The following PCDH9 variants were observed in gnomAD, a reference collection of about 807,000 sequenced individuals.
The protein encoded by PCDH9 is protocadherin 9, also known as protocadherin-9.
A neutral mutation model predicts 70.6 loss-of-function variants in PCDH9; 24 were observed. That is an observed-to-expected ratio of 0.34 (90% CI 0.25 to 0.48). The LOEUF (loss-of-function observed/expected upper bound fraction) is 0.48, where lower values mean the gene tolerates loss of function less well. Ranked by LOEUF, PCDH9 falls within the 20% of genes least tolerant of loss-of-function variation. PCDH9 has a pLI of 0.99. For synonymous variants in PCDH9, 562 were observed against 558.5 expected, an observed-to-expected ratio of 1.01 and a Z score of -0.09; for missense variants, 1,281 against 1,503.6, an observed-to-expected ratio of 0.85 and a Z score of 2.45.
chr13:67,068,752 G>A (rs908737703), intron 2 of PCDH9, among the ~76,000 whole-genome samples: 3 of 152,040 alleles, frequency 2.0e-5, no homozygotes, highest in African/African-American at 2.4e-5. Context: ...TCAAACATTT[G>A]CCAAAGTGAC....
At chr13:66,338,452 G>A (rs1466876631) in intron 4 of PCDH9, among the ~76,000 whole-genome samples, 3 of 151,966 alleles carry the variant, frequency 2.0e-5, no homozygotes. Flanking sequence ...CAGCATCAAA[G>A]TTATATTCTG....
At chr13:67,095,910 C>T (rs2086309915) in intron 2 of PCDH9, among the ~76,000 whole-genome samples, 2 of 152,058 alleles carry the variant, frequency 1.3e-5, no homozygotes, top group South Asian at 4.1e-4. Flanking sequence ...AATGCCTTTG[C>T]TAAAAGGCCA....
chr13:66,505,193 T>G (rs1255930654), intron 4 of PCDH9, among the ~76,000 whole-genome samples: 1 of 152,208 alleles, frequency 6.6e-6, no homozygotes, highest in African/African-American at 2.4e-5. Context: ...TTTTTAAAAA[T>G]ATTTTAAGAG....
At chr13:66,683,742 C>G (rs2069384038) in intron 3 of PCDH9, among the ~76,000 whole-genome samples, 2 of 152,134 alleles carry the variant, frequency 1.3e-5, no homozygotes, top group Admixed American at 1.3e-4. Context: ...ACAGAGCCAG[C>G]CAGCTTAATC....
chr13:66,637,913 C>A (rs75996899), intron 3 of PCDH9, among the ~76,000 whole-genome samples: 3 of 137,390 alleles, frequency 2.2e-5, no homozygotes, highest in Admixed American at 7.3e-5. Context: ...GACTCCTTCT[C>A]AAAAAAAAAA....
At chr13:66,648,785 A>G (rs1300399905) in intron 3 of PCDH9, among the ~76,000 whole-genome samples, 2 of 152,198 alleles carry the variant, frequency 1.3e-5, no homozygotes, top group Non-Finnish European at 2.9e-5. Flanking sequence ...TTCCAGACAG[A>G]GATTCAAAAT....
intron 4 of PCDH9, among the ~76,000 whole-genome samples, chr13:66,442,340 A>G (rs1459209623): frequency 1.3e-5 from 2 of 152,206 alleles, no homozygotes; most frequent in African/African-American, 4.8e-5. Context: ...CTGGTCTTTC[A>G]AAGAGAAAAT....
intron 3 of PCDH9, among the ~76,000 whole-genome samples, chr13:66,818,402 C>A (rs2080646408): frequency 6.6e-6 from 1 of 151,980 alleles, no homozygotes; most frequent in South Asian, 2.1e-4. Context: ...TACTTCAAAT[C>A]CAAATTTAAT....
intron 4 of PCDH9, among the ~76,000 whole-genome samples, chr13:66,440,865 A>G (rs746040447): frequency 6.6e-6 from 1 of 152,124 alleles, no homozygotes; most frequent in Non-Finnish European, 1.5e-5. Context: ...TAATGCATCC[A>G]ACACAGAGAC....
At chr13:66,969,663 T>A (rs765711985) in intron 2 of PCDH9, among the ~76,000 whole-genome samples, 1 of 152,080 alleles carries the variant, frequency 6.6e-6, no homozygotes, top group Non-Finnish European at 1.5e-5. Context: ...TACTATTTGT[T>A]ACCCAAAATC....
chr13:66,764,475 C>A (rs2079679087), intron 3 of PCDH9, among the ~76,000 whole-genome samples: 2 of 151,880 alleles, frequency 1.3e-5, no homozygotes, highest in South Asian at 4.1e-4. Context: ...GACCTCAAAA[C>A]AAGCATAGAT....
intron 4 of PCDH9, among the ~76,000 whole-genome samples, chr13:66,497,616 A>G (rs1789115261): frequency 6.6e-6 from 1 of 152,114 alleles, no homozygotes; most frequent in South Asian, 2.1e-4. Flanking sequence ...TTCAAATGCT[A>G]CATTTTAATG....
intron 2 of PCDH9, among the ~76,000 whole-genome samples, chr13:67,125,673 A>T (rs1342317744): frequency 6.6e-6 from 1 of 152,198 alleles, no homozygotes; most frequent in Non-Finnish European, 1.5e-5. Context: ...CTCAAGAAAA[A>T]GTAGAATAGG....
At chr13:66,338,255 A>C (rs1369056554) in intron 4 of PCDH9, among the ~76,000 whole-genome samples, 1 of 151,856 alleles carries the variant, frequency 6.6e-6, no homozygotes, top group Non-Finnish European at 1.5e-5. Context: ...CCTCCCTAAC[A>C]CCTGTCTTTC....
At chr13:66,507,578 G>T (rs1959245507) in intron 4 of PCDH9, among the ~76,000 whole-genome samples, 2 of 152,238 alleles carry the variant, frequency 1.3e-5, no homozygotes, top group South Asian at 2.1e-4. Flanking sequence ...AAGCATTGAA[G>T]TATTGAATGA....
At chr13:67,100,401 A>G (rs1372986790) in intron 2 of PCDH9, among the ~76,000 whole-genome samples, 1 of 152,186 alleles carries the variant, frequency 6.6e-6, no homozygotes, top group Non-Finnish European at 1.5e-5. Flanking sequence ...GAAATACCAA[A>G]CCCTTAAACA....
chr13:66,848,474 A>C (rs991895321), intron 3 of PCDH9, among the ~76,000 whole-genome samples: 2 of 152,212 alleles, frequency 1.3e-5, no homozygotes, highest in African/African-American at 4.8e-5. Flanking sequence ...GATCCTGAGT[A>C]GTATAATTTA....
chr13:67,225,064 C>A lies in PCDH9; in HGVS notation c.3036+341G>T, dbSNP rs186892427. ...GGTAAGGTGAAAGTCTTGAAGCAGTCAATTTGGAAACCCCCAGGAGCAGAA... is the reference window on the plus strand; with the variant it reads ...GGTAAGGTGAAAGTCTTGAAGCAGTAAATTTGGAAACCCCCAGGAGCAGAA... On this transcript the variant is annotated intron_variant, in intron 2 of 4. Transcript: ENST00000377865. The A allele has an allele frequency of 2.7e-5, 30 of 1,131,176 alleles. No homozygotes were observed. In the African/African-American group the frequency reaches 4.7e-4, roughly 18 times the overall value. The allele number at this position is 1,131,176 out of a possible 1,614,324, so 70.1% of individuals were successfully genotyped here.
intron 2 of PCDH9, among the ~76,000 whole-genome samples, chr13:67,098,832 A>G (rs1282665009): frequency 6.6e-6 from 1 of 152,206 alleles, no homozygotes; most frequent in African/African-American, 2.4e-5. Flanking sequence ...AGTGAAAATG[A>G]TATAGTAAAA....
Sources: allele counts gnomAD v4.1 joint callset (sites outside exome capture counted in the v4.1 genomes callset), GRCh38; gene constraint gnomAD v4.1.1; transcripts MANE v1.5; gene names NCBI Gene and HGNC (gene_info 2026-07-23, HGNC 2026-07-21).